Variants in RAI1 observed in about 807,000 individuals in gnomAD.
The protein encoded by RAI1 is retinoic acid induced 1.
In RAI1, 9 loss-of-function variants were observed where a neutral mutation model predicts 123.8. That is an observed-to-expected ratio of 0.07 (90% CI 0.04 to 0.13). RAI1 has a LOEUF of 0.13. RAI1 is among the 10% of genes least tolerant of loss of function. RAI1 has a pLI of 1.00. For synonymous variants in RAI1, 1,231 were observed against 1,127.3 expected (o/e 1.09, Z -1.84); for missense variants, 2,256 against 2,545.8 (o/e 0.89, Z 2.45).
At chr17:17,734,792 A>G (rs1192403319) in intron 2 of RAI1, among the ~76,000 whole-genome samples, 1 of 152,206 alleles carries the variant, frequency 6.6e-6, no homozygotes, top group Non-Finnish European at 1.5e-5. Flanking sequence ...CTGTGCTTGC[A>G]TGTTTGTACA....
At chr17:17,808,181 T>TG (rs1185362882) in intron 4 of RAI1, among the ~76,000 whole-genome samples, 1 of 151,678 alleles carries the variant, frequency 6.6e-6, no homozygotes, top group Non-Finnish European at 1.5e-5. Context: ...GGGGGGTCCC[T>TG]GGGGGAAAAG....
At chr17:17,703,907 G>C (rs1567833858) in intron 1 of RAI1, among the ~76,000 whole-genome samples, 1 of 152,340 alleles carries the variant, frequency 6.6e-6, no homozygotes, top group East Asian at 1.9e-4. Flanking sequence ...CTTGTCTTCA[G>C]AGGTCCTGGC....
chr17:17,720,730 C>G lies in RAI1; in HGVS notation c.-148-3298C>G, dbSNP rs557120762. Among the ~76,000 whole-genome samples the G allele has an allele frequency of 2.5e-4, 38 of 152,324 alleles. 1 individual carries two copies. The South Asian group carries it at 7.7e-3, about 31-fold the overall frequency. On this transcript the variant is annotated intron_variant, in intron 1 of 5. Coordinates refer to ENST00000353383, the MANE Select transcript of RAI1 (RefSeq NM_030665.4). ...GGCAAGTTCTTTGCAGGCTCTCAGC[C>G]TGGGTTTCTCCTCTAGGGGATGGTC...
At chr17:17,772,399 C>T (rs2031194271) in intron 2 of RAI1, among the ~76,000 whole-genome samples, 1 of 152,196 alleles carries the variant, frequency 6.6e-6, no homozygotes, top group Non-Finnish European at 1.5e-5. Context: ...ACCCCCATCA[C>T]CAATCCATCC....
intron 2 of RAI1, among the ~76,000 whole-genome samples, chr17:17,792,443 G>A (rs533409804): frequency 2.6e-4 from 39 of 152,250 alleles, no homozygotes; most frequent in East Asian, 2.5e-3. Context: ...ACACGGTCGC[G>A]AAGGGACTAA....
At chr17:17,757,641 A>G (rs1340414950) in intron 2 of RAI1, among the ~76,000 whole-genome samples, 1 of 150,292 alleles carries the variant, frequency 6.7e-6, no homozygotes, top group Non-Finnish European at 1.5e-5. Flanking sequence ...AACCACTACC[A>G]CTTGCAGCTA....
Position 17,809,481 on chromosome 17 carries a change from G to C in RAI1, c.5709+42G>C. On this transcript the variant is annotated intron_variant, in intron 5 of 5. Coordinates refer to ENST00000353383, the MANE Select transcript of RAI1 (RefSeq NM_030665.4). This position sits in a 1 kb window ranked among gnomAD's most constrained non-coding sequence, Gnocchi z 4.9. ...TTTTGTAGGGCGAGGGGTGTCAAGC[G>C]GGAGAGGAGCCCCACCTCGCACCTC... The C allele has an allele frequency of 6.5e-7, 1 of 1,545,320 alleles. No homozygotes were observed. Among genetic ancestry groups the C allele is most frequent in the African/African-American group, 1.4e-5 (1 of 73,404 alleles).
chr17:17,804,298 C>T (rs1053618508), intron 4 of RAI1, among the ~76,000 whole-genome samples: 3 of 152,186 alleles, frequency 2.0e-5, no homozygotes, highest in Non-Finnish European at 4.4e-5. Flanking sequence ...TCAAAACAGA[C>T]TGAGACCCAT....
intron 2 of RAI1, among the ~76,000 whole-genome samples, chr17:17,730,053 A>G (rs920288023): frequency 6.6e-6 from 1 of 152,168 alleles, no homozygotes; most frequent in Non-Finnish European, 1.5e-5. Context: ...TCCCCAAGGC[A>G]GAACTGGGAG....
intron 2 of RAI1, among the ~76,000 whole-genome samples, chr17:17,768,247 C>T (rs1035567677): frequency 6.6e-6 from 1 of 150,870 alleles, no homozygotes; most frequent in Admixed American, 6.6e-5. Context: ...TTAACTTGTG[C>T]AGCTGCCCAG....
intron 1 of RAI1, among the ~76,000 whole-genome samples, chr17:17,689,624 G>C (rs965333011): frequency 1.3e-5 from 2 of 152,206 alleles, no homozygotes; most frequent in Admixed American, 1.3e-4. Context: ...AGCATAGTGG[G>C]TATGCATATG....
At chr17:17,752,204 G>A (rs1302793255) in intron 2 of RAI1, among the ~76,000 whole-genome samples, 2 of 152,166 alleles carry the variant, frequency 1.3e-5, no homozygotes, top group Non-Finnish European at 2.9e-5. Flanking sequence ...CTGGGCGCGG[G>A]GCGGCGCGCG....
intron 2 of RAI1, among the ~76,000 whole-genome samples, chr17:17,735,519 G>A (rs1389281313): frequency 1.3e-5 from 2 of 149,270 alleles, no homozygotes; most frequent in African/African-American, 2.5e-5. Context: ...ACGCCCGGCT[G>A]ATTTTTTTTG....
At chr17:17,719,937 C>T (rs1028018629) in intron 1 of RAI1, among the ~76,000 whole-genome samples, 2 of 152,176 alleles carry the variant, frequency 1.3e-5, no homozygotes, top group Admixed American at 1.3e-4. Context: ...CACATCTGAC[C>T]TCAGGCCTGC....
Position 17,795,109 on chromosome 17 carries a change from CCCA to C in RAI1, c.2163_2165del (p.Thr723del). On this transcript the variant is annotated inframe_deletion, in exon 3 of 6. Transcript: ENST00000353383. The surrounding 1 kb of genome is among the most constrained non-coding windows in gnomAD (Gnocchi z 5.9). ...CACCCTTGGGGTTCCTGCTCCAGAC[CCCA>C]CTACAGCAGCTTTTGACTGTTTCCC... The C allele has an allele frequency of 3.1e-6, 5 of 1,614,096 alleles. No homozygotes were observed. The highest frequency in any genetic ancestry group is 4.2e-6 in the Non-Finnish European group (5 of 1,180,030).
intron 1 of RAI1, among the ~76,000 whole-genome samples, chr17:17,688,345 G>A (rs368281336): frequency 2.7e-4 from 41 of 152,094 alleles, no homozygotes; most frequent in African/African-American, 8.4e-4. Flanking sequence ...TTAGTCAGGC[G>A]TAGTGTCACA....
chr17:17,803,389 TG>T (rs869162402), intron 3 of RAI1, among the ~76,000 whole-genome samples: 9 of 141,136 alleles, frequency 6.4e-5, no homozygotes, highest in African/African-American at 2.9e-4. Flanking sequence ...GTGTTTTTTT[TG>T]TTTGTTTGTT....
rs143034540 is a variant in RAI1, at chr17:17,693,223, C to A, written c.-149+11430C>A. Among the ~76,000 whole-genome samples, 1,301 of 152,302 alleles carry A rather than the reference C, an allele frequency of 8.5e-3. 7 individuals carry two copies. The highest frequency in any genetic ancestry group is 0.014 in the Non-Finnish European group (921 of 68,014). On this transcript the variant is annotated intron_variant, in intron 1 of 5. Transcript: ENST00000353383. ...CAGTGCCTGGGATACCTGGGAGTCC[C>A]CAGAAAGAGTGAGGATGGGTGAGGG...
intron 1 of RAI1, among the ~76,000 whole-genome samples, chr17:17,699,108 T>A (rs1379812747): frequency 1.3e-5 from 2 of 152,322 alleles, no homozygotes; most frequent in Admixed American, 6.5e-5. Context: ...ATTCTTGCTG[T>A]GTGGCCTCAG....
Sources: gnomAD v4.1 joint callset for allele counts (sites outside exome capture counted in the v4.1 genomes callset) on GRCh38, gnomAD v4.1.1 for gene constraint, Gnocchi (gnomAD v3.1) non-coding constraint, MANE v1.5 for transcripts, NCBI Gene and HGNC (gene_info 2026-07-23, HGNC 2026-07-21) for gene names.